Variants in NECAB1 observed in about 807,000 individuals in gnomAD.
NECAB1 encodes the protein N-terminal EF-hand calcium-binding protein 1.
Under a neutral mutation model 57.5 loss-of-function variants are expected in NECAB1, and 29 were observed. The observed-to-expected ratio is 0.50, with a 90% confidence interval of 0.38 to 0.69. NECAB1 has a LOEUF of 0.69. NECAB1 is among the 30% of genes least tolerant of loss of function. The pLI is 0.00. For synonymous variants in NECAB1, 142 were observed against 147.7 expected (o/e 0.96, Z 0.28); for missense variants, 372 against 413.8 (o/e 0.90, Z 0.88).
At chr8:90,928,181 TA>T in intron 7 of NECAB1, 41 bp from the exon 8 acceptor site, 1 of 1,447,828 alleles carries the variant, frequency 6.9e-7, no homozygotes, top group South Asian at 1.2e-5. Flanking sequence ...CTTCTCTGTC[TA>T]AAGTTTAACA....
intron 3 of NECAB1, among the ~76,000 whole-genome samples, chr8:90,825,269 A>G (rs1450015150): frequency 6.6e-6 from 1 of 151,846 alleles, no homozygotes; most frequent in African/African-American, 2.4e-5. Flanking sequence ...ATTCCAAATC[A>G]CTGTTACCTG....
chr8:90,854,000 G>A (rs1812741467), intron 3 of NECAB1, among the ~76,000 whole-genome samples: 1 of 152,128 alleles, frequency 6.6e-6, no homozygotes, highest in South Asian at 2.1e-4. Context: ...TAGGGGATGA[G>A]GGGTTTAGTG....
intron 3 of NECAB1, among the ~76,000 whole-genome samples, chr8:90,860,883 G>T (rs1035187375): frequency 1.3e-5 from 2 of 152,086 alleles, no homozygotes. Context: ...CCTAGTTTTA[G>T]GGTATTGTGA....
At chr8:90,954,926 A>G (rs1352193884) in intron 12 of NECAB1, among the ~76,000 whole-genome samples, 2 of 147,554 alleles carry the variant, frequency 1.4e-5, no homozygotes, top group Non-Finnish European at 1.5e-5. Flanking sequence ...ACAAATGCAT[A>G]TGTATTATAT....
intron 9 of NECAB1, among the ~76,000 whole-genome samples, chr8:90,938,731 C>A (rs1226444911): frequency 6.6e-6 from 1 of 152,156 alleles, no homozygotes; most frequent in South Asian, 2.1e-4. Flanking sequence ...GCAACCCAAT[C>A]TAGGAAGCCG....
chr8:90,889,960 AG>A (rs1336492879), intron 5 of NECAB1, among the ~76,000 whole-genome samples: 1 of 151,168 alleles, frequency 6.6e-6, no homozygotes, highest in Non-Finnish European at 1.5e-5. Context: ...TGTGTGTGTG[AG>A]TGTGTGTGTG....
intron 5 of NECAB1, among the ~76,000 whole-genome samples, chr8:90,886,686 G>A (rs1809001598): frequency 6.6e-6 from 1 of 151,820 alleles, no homozygotes. Flanking sequence ...CACCTGTCTT[G>A]ATTGTTCTTC....
chr8:90,839,729 A>C (rs1438907443), intron 3 of NECAB1, among the ~76,000 whole-genome samples: 1 of 152,234 alleles, frequency 6.6e-6, no homozygotes, highest in Admixed American at 6.5e-5. Context: ...CAGCATGCGC[A>C]GAGCACTGAA....
chr8:90,930,164 G>A (rs1810372757), intron 8 of NECAB1, among the ~76,000 whole-genome samples: 2 of 152,162 alleles, frequency 1.3e-5, no homozygotes, highest in African/African-American at 2.4e-5. Flanking sequence ...CATTGAAGAG[G>A]AGGTTTGTGA....
At chr8:90,903,527 A>G (rs1809560568) in intron 5 of NECAB1, among the ~76,000 whole-genome samples, 1 of 152,136 alleles carries the variant, frequency 6.6e-6, no homozygotes, top group Non-Finnish European at 1.5e-5. Flanking sequence ...ATGATTACTT[A>G]CTCATGAACA....
At chr8:90,809,082 C>G (rs1055420347) in intron 2 of NECAB1, among the ~76,000 whole-genome samples, 25 of 152,212 alleles carry the variant, frequency 1.6e-4, no homozygotes, top group African/African-American at 6.0e-4. Flanking sequence ...AGTGTTTGTT[C>G]TGCCTTTGCC....
intron 6 of NECAB1, among the ~76,000 whole-genome samples, chr8:90,923,871 T>C (rs903101595): frequency 6.6e-6 from 1 of 152,136 alleles, no homozygotes; most frequent in African/African-American, 2.4e-5. Flanking sequence ...ATAAGGAAAC[T>C]AGAGGCTCAG....
chr8:90,909,307 T>C (rs1026859188), intron 5 of NECAB1, among the ~76,000 whole-genome samples: 7 of 152,032 alleles, frequency 4.6e-5, no homozygotes, highest in African/African-American at 1.7e-4. Flanking sequence ...AATTCAGTTA[T>C]ATCTATGGCT....
intron 6 of NECAB1, among the ~76,000 whole-genome samples, chr8:90,924,960 G>C (rs926899483): frequency 6.6e-6 from 1 of 151,276 alleles, no homozygotes; most frequent in Non-Finnish European, 1.5e-5. Context: ...TAGTATATAA[G>C]ATATACTGTA....
At chr8:90,897,846 T>C (rs2129999952) in intron 5 of NECAB1, among the ~76,000 whole-genome samples, 1 of 152,306 alleles carries the variant, frequency 6.6e-6, no homozygotes, top group East Asian at 1.9e-4. Flanking sequence ...ATGCCTTCAT[T>C]TGTAGGCTTA....
intron 1 of NECAB1, among the ~76,000 whole-genome samples, chr8:90,798,484 G>T (rs1053297038): frequency 7.2e-5 from 11 of 152,030 alleles, no homozygotes; most frequent in African/African-American, 2.4e-4. Flanking sequence ...AGTGTATGTT[G>T]CTGCCATCTT....
intron 3 of NECAB1, among the ~76,000 whole-genome samples, chr8:90,836,417 T>C (rs1385979291): frequency 6.6e-6 from 1 of 152,216 alleles, no homozygotes; most frequent in Non-Finnish European, 1.5e-5. Flanking sequence ...TCTCATTCAC[T>C]AATGGGTTTA....
chr8:90,808,640 C>CTTTTTT (rs200075536), intron 2 of NECAB1, among the ~76,000 whole-genome samples: 398 of 81,236 alleles, frequency 4.9e-3, no homozygotes, highest in Middle Eastern at 0.01. Context: ...TTTTTCTTTT[C>CTTTTTT]TTTTTTTTTT....
At chr8:90,822,492 T>C (rs1812157896) in intron 2 of NECAB1, among the ~76,000 whole-genome samples, 1 of 151,930 alleles carries the variant, frequency 6.6e-6, no homozygotes, top group Admixed American at 6.6e-5. Flanking sequence ...GCCAAGACTA[T>C]AAGCTAATGC....
Sources: allele counts gnomAD v4.1 joint callset (sites outside exome capture counted in the v4.1 genomes callset), GRCh38; gene constraint gnomAD v4.1.1; transcripts MANE v1.5; gene names NCBI Gene and HGNC (gene_info 2026-07-23, HGNC 2026-07-21).